SPOCK1: variants seen among roughly 807,000 people sequenced by gnomAD.
SPOCK1 encodes testican-1.
In SPOCK1, 23 loss-of-function variants were observed where a neutral mutation model predicts 55.3. That is an observed-to-expected ratio of 0.42 (90% CI 0.30 to 0.59). SPOCK1 has a LOEUF of 0.59. Among genes scored for constraint, SPOCK1 ranks in the 20% least tolerant of loss-of-function variants. The probability of loss-of-function intolerance (pLI) is 0.22; values close to 1 mark genes in which losing one functional copy is unlikely to be tolerated. For synonymous variants in SPOCK1, 226 were observed against 221.0 expected (o/e 1.02, Z -0.20); for missense variants, 499 against 552.5 (o/e 0.90, Z 0.97).
intron 6 of SPOCK1, among the ~76,000 whole-genome samples, chr5:136,994,299 G>C (rs535150029): frequency 2.3e-4 from 35 of 152,288 alleles, no homozygotes; most frequent in African/African-American, 7.5e-4. Context: ...ACAACACTGA[G>C]AAATGTCTCG....
intron 2 of SPOCK1, among the ~76,000 whole-genome samples, chr5:137,313,270 C>T (rs1757819825): frequency 6.6e-6 from 1 of 152,196 alleles, no homozygotes; most frequent in Non-Finnish European, 1.5e-5. Context: ...CCCTGCTATA[C>T]TCATTAATTC....
intron 4 of SPOCK1, among the ~76,000 whole-genome samples, chr5:137,128,612 C>CT (rs1753819630): frequency 6.6e-6 from 1 of 152,226 alleles, no homozygotes; most frequent in African/African-American, 2.4e-5. Flanking sequence ...CAGAGTGGCT[C>CT]TTACACAGAA....
chr5:137,418,776 A>C (rs909435102), intron 2 of SPOCK1, among the ~76,000 whole-genome samples: 5 of 151,964 alleles, frequency 3.3e-5, no homozygotes, highest in African/African-American at 4.8e-5. Context: ...ATGGTAGTTA[A>C]TTTTGCTGTG....
chr5:137,352,856 T>C (rs910873890), intron 2 of SPOCK1, among the ~76,000 whole-genome samples: 6 of 152,154 alleles, frequency 3.9e-5, no homozygotes, highest in Non-Finnish European at 8.8e-5. Flanking sequence ...GTGGGTGATG[T>C]TTCATGTGTG....
chr5:137,066,967 C>CACACACACACAT (rs1268413237), intron 6 of SPOCK1, among the ~76,000 whole-genome samples: 1 of 137,290 alleles, frequency 7.3e-6, no homozygotes, highest in African/African-American at 2.7e-5. Context: ...TAAGCATACA[C>CACACACACACAT]ACACACACAC....
chr5:137,415,450 C>A (rs1158997223), intron 2 of SPOCK1, among the ~76,000 whole-genome samples: 5 of 152,174 alleles, frequency 3.3e-5, no homozygotes, highest in Non-Finnish European at 5.9e-5. Context: ...GACATGCACC[C>A]AAAGGTGGTA....
chr5:137,124,692 G>A (rs1360941740), intron 4 of SPOCK1, among the ~76,000 whole-genome samples: 1 of 152,158 alleles, frequency 6.6e-6, no homozygotes, highest in East Asian at 1.9e-4. Flanking sequence ...AGGCCATTCT[G>A]CAGCACTCTG....
intron 3 of SPOCK1, among the ~76,000 whole-genome samples, chr5:137,169,461 C>A (rs1489000932): frequency 6.6e-6 from 1 of 151,968 alleles, no homozygotes. Context: ...TATATACCTA[C>A]TACACACCCA....
intron 2 of SPOCK1, among the ~76,000 whole-genome samples, chr5:137,317,294 A>G (rs1283556990): frequency 6.6e-6 from 1 of 152,216 alleles, no homozygotes; most frequent in Non-Finnish European, 1.5e-5. Flanking sequence ...CTACAGTGAA[A>G]TTGCTGGAAG....
chr5:137,321,981 T>C (rs1757989133), intron 2 of SPOCK1, among the ~76,000 whole-genome samples: 1 of 152,112 alleles, frequency 6.6e-6, no homozygotes, highest in African/African-American at 2.4e-5. Flanking sequence ...TGATAAAATT[T>C]ATCACCACTA....
chr5:137,182,480 A>G (rs17720952), intron 3 of SPOCK1, among the ~76,000 whole-genome samples: 68,517 of 152,120 alleles, frequency 0.45, 16,474 homozygotes, highest in Non-Finnish European at 0.52. Flanking sequence ...CCAAGTACCT[A>G]CTATTATAAT....
At chr5:137,339,110 A>T (rs1028091358) in intron 2 of SPOCK1, among the ~76,000 whole-genome samples, 3 of 152,226 alleles carry the variant, frequency 2.0e-5, no homozygotes, top group Non-Finnish European at 2.9e-5. Flanking sequence ...ACCCCAGCAT[A>T]CAGCCAGTGA....
Position 137,453,136 on chromosome 5 carries a change from G to C in SPOCK1, c.186+45237C>G, listed in dbSNP as rs115566193. Reference sequence around the variant, plus strand: ...TCCAAATGTCACAACTAGTAGGTTTGCTTAGAAAAAATAAGGCACGCTTCT... The same window carrying C: ...TCCAAATGTCACAACTAGTAGGTTTCCTTAGAAAAAATAAGGCACGCTTCT... On this transcript the variant is annotated intron_variant, in intron 2 of 10. Transcript: ENST00000394945. Among the ~76,000 whole-genome samples, 875 of 152,284 alleles carry C rather than the reference G, an allele frequency of 5.7e-3. 11 individuals are homozygous for C. The highest frequency in any genetic ancestry group is 0.02 in the African/African-American group (850 of 41,568).
rs1186395418 is a variant in SPOCK1, at chr5:137,110,022, C to CAACA, written c.474+2409_474+2412dup. On this transcript the variant is annotated intron_variant, in intron 5 of 10. Coordinates refer to ENST00000394945, the MANE Select transcript of SPOCK1 (RefSeq NM_004598.4). ...CACCCCATGTTTTGCACAGTGCATA[C>CAACA]AACAACTGCAAGTGTTCAATAAGAG... 1.2e-4 allele frequency among the ~76,000 whole-genome samples: 19 copies of CAACA among 152,286 alleles called. No homozygotes were observed. The South Asian group carries it at 3.5e-3, about 28-fold the overall frequency.
At chr5:137,452,728 T>C (rs1383414700) in intron 2 of SPOCK1, among the ~76,000 whole-genome samples, 1 of 152,240 alleles carries the variant, frequency 6.6e-6, no homozygotes. Context: ...ATGCAAAAGC[T>C]ATAGTTTCCC....
chr5:137,116,368 G>T (rs1753579002), intron 4 of SPOCK1, among the ~76,000 whole-genome samples: 1 of 152,198 alleles, frequency 6.6e-6, no homozygotes, highest in African/African-American at 2.4e-5. Context: ...CTTCAGCTGG[G>T]TGCTGTGGCT....
chr5:137,191,923 C>T (rs1285566370), intron 3 of SPOCK1, among the ~76,000 whole-genome samples: 1 of 152,062 alleles, frequency 6.6e-6, no homozygotes, highest in African/African-American at 2.4e-5. Context: ...AAAAAGTAAG[C>T]AGTATGAAAA....
rs547972095 is a variant in SPOCK1 at position 137,312,236 on chromosome 5, C to T, written c.187-45181G>A. 5.3e-5 allele frequency among the ~76,000 whole-genome samples: 8 copies of T among 152,314 alleles called. No homozygotes were observed. In the East Asian group the frequency reaches 1.4e-3, roughly 26 times the overall value. ...TAGCAGCAGAGCTGGCCTGAAAGAGCTTACCATGCCTGGTCCCAGGCAGCC... is the reference window on the plus strand; with the variant it reads ...TAGCAGCAGAGCTGGCCTGAAAGAGTTTACCATGCCTGGTCCCAGGCAGCC... On this transcript the variant is annotated intron_variant, in intron 2 of 10. Coordinates refer to ENST00000394945, the MANE Select transcript of SPOCK1 (RefSeq NM_004598.4).
intron 3 of SPOCK1, among the ~76,000 whole-genome samples, chr5:137,221,057 T>G (rs1443372231): frequency 1.3e-5 from 2 of 152,130 alleles, no homozygotes; most frequent in African/African-American, 4.8e-5. Flanking sequence ...GTGTCTCACT[T>G]TGAGAAAAAC....
Sources: allele counts gnomAD v4.1 joint callset (sites outside exome capture counted in the v4.1 genomes callset), GRCh38; gene constraint gnomAD v4.1.1; transcripts MANE v1.5; gene names NCBI Gene and HGNC (gene_info 2026-07-23, HGNC 2026-07-21).